The following ITGB1BP1 variants were observed in gnomAD, a reference collection of about 807,000 sequenced individuals.
ITGB1BP1 encodes the protein integrin subunit beta 1 binding protein 1, also known as integrin beta-1-binding protein 1.
Under a neutral mutation model 28.0 loss-of-function variants are expected in ITGB1BP1, and 20 were observed. The observed-to-expected ratio is 0.71, with a 90% CI of 0.50 to 1.04. ITGB1BP1 has a LOEUF of 1.04. Ranked by LOEUF, ITGB1BP1 falls within the 50% of genes least tolerant of loss-of-function variation. The pLI is 0.00. For synonymous variants in ITGB1BP1, 103 were observed against 89.5 expected (o/e 1.15, Z -0.85); for missense variants, 228 against 242.5 (o/e 0.94, Z 0.40).
At chr2:9,423,066 G>A in intron 1 of ITGB1BP1, 1 of 997,096 alleles carries the variant, frequency 1.0e-6, no homozygotes, top group Non-Finnish European at 1.2e-6. Flanking sequence ...GGAGGCGGCC[G>A]AAGCGGGGCA....
At chr2:9,410,501 C>A (rs985234043) in intron 4 of ITGB1BP1, among the ~76,000 whole-genome samples, 1 of 152,118 alleles carries the variant, frequency 6.6e-6, no homozygotes, top group Admixed American at 6.5e-5. Context: ...TGCAGTGGCA[C>A]AATCTTGGCT....
At chr2:9,407,149 G>A in intron 6 of ITGB1BP1, 3 of 601,014 alleles carry the variant, frequency 5.0e-6, no homozygotes, top group African/African-American at 1.9e-5. Context: ...CAGTCTAGGA[G>A]GGCAACAACG....
rs1677168823 is a variant in ITGB1BP1 at position 9,405,652 on chromosome 2, G to A, written c.*1182C>T. The stretch of plus-strand genomic sequence containing the variant: ...TTCTTGTTAACTAGTCATTTGACTG[G>A]AAAAAAATAAAATACTTTTAAATGG... On this transcript the variant is annotated 3_prime_UTR_variant, in exon 7 of 7. Coordinates refer to ENST00000355346, the MANE Select transcript of ITGB1BP1 (RefSeq NM_004763.5). 1 of 152,434 alleles carries A rather than the reference G, an allele frequency of 6.6e-6. No individual in the cohort carries two copies. The highest frequency in any genetic ancestry group is 2.4e-5 in the African/African-American group (1 of 41,412). 9.4% of individuals were successfully genotyped at this position (152,434 alleles called of 1,614,324 possible).
intron 1 of ITGB1BP1, among the ~76,000 whole-genome samples, chr2:9,422,175 C>T (rs1295181788): frequency 1.3e-5 from 2 of 152,234 alleles, no homozygotes; most frequent in Admixed American, 1.3e-4. Context: ...TACCCCCACA[C>T]TGCAGCCAAA....
intron 2 of ITGB1BP1, among the ~76,000 whole-genome samples, chr2:9,416,376 G>A (rs1679137248): frequency 6.6e-6 from 1 of 152,140 alleles, no homozygotes; most frequent in Non-Finnish European, 1.5e-5. Context: ...TACACCAGCA[G>A]ACATGGAGTA....
chr2:9,409,841 CTTTTT>C (rs1036594187), intron 4 of ITGB1BP1, among the ~76,000 whole-genome samples: 1 of 123,158 alleles, frequency 8.1e-6, no homozygotes, highest in South Asian at 2.8e-4. Flanking sequence ...ACCGTGAGTT[CTTTTT>C]TTTTTTTTTT....
At chr2:9,420,879 C>T (rs141519215) in intron 1 of ITGB1BP1, among the ~76,000 whole-genome samples, 66 of 152,294 alleles carry the variant, frequency 4.3e-4, no homozygotes, top group African/African-American at 1.6e-3. Context: ...TGCCAGATAG[C>T]GAACTAACTC....
chr2:9,403,879 C>T lies in ITGB1BP1; in HGVS notation c.*2955G>A, dbSNP rs1287030805. ...TACACATTAGCATTGTACTTTCTAG[C>T]CCTAATTTGTGAGGTTGCAGCTATC... On this transcript the variant is annotated 3_prime_UTR_variant, in exon 7 of 7. Coordinates refer to ENST00000355346, the MANE Select transcript of ITGB1BP1 (RefSeq NM_004763.5). The T allele has an allele frequency of 6.5e-6, 1 of 153,686 alleles. No individual in the cohort carries two copies. Among genetic ancestry groups the T allele is most frequent in the African/African-American group, 2.4e-5 (1 of 41,438 alleles). 9.5% of individuals were successfully genotyped at this position (153,686 alleles called of 1,614,324 possible).
intron 4 of ITGB1BP1, among the ~76,000 whole-genome samples, chr2:9,410,801 T>A (rs1015348561): frequency 3.3e-5 from 5 of 152,194 alleles, no homozygotes; most frequent in Admixed American, 2.6e-4. Context: ...GGCTTTGAAC[T>A]CCTGGGTTCA....
chr2:9,416,539 G>A (rs1283845979), intron 2 of ITGB1BP1, among the ~76,000 whole-genome samples: 2 of 152,142 alleles, frequency 1.3e-5, no homozygotes, highest in Admixed American at 1.3e-4. Context: ...CCCACTCCCA[G>A]GGGTCTTCAG....
chr2:9,412,150 AGTCGAGAGCAAG>A (rs1258758099), intron 4 of ITGB1BP1, 107 bp downstream of exon 4: 1 of 796,908 alleles, frequency 1.3e-6, no homozygotes, highest in African/African-American at 1.7e-5. Context: ...CGGGGACTTC[AGTCGAGAGCAAG>A]CGGAGCGGCA....
At chr2:9,422,566 CA>C in intron 1 of ITGB1BP1, 1 of 985,500 alleles carries the variant, frequency 1.0e-6, no homozygotes, top group Non-Finnish European at 1.2e-6. Flanking sequence ...CCCCTGATCA[CA>C]GCGCCACGAT....
chr2:9,411,514 G>GA (rs1398102516), intron 4 of ITGB1BP1, among the ~76,000 whole-genome samples: 6 of 152,034 alleles, frequency 3.9e-5, no homozygotes, highest in Admixed American at 3.9e-4. Flanking sequence ...GTGAGGTCAG[G>GA]AATTCACAAC....
At position 9,418,629 on chromosome 2, in the gene ITGB1BP1, G is replaced by A; in HGVS notation, c.69C>T (p.Ser23=). ...SSQSSEISTK[S]KSVDSSLGGL... ...GTTCCAAATTCCATTTCCCTACCTT[G>A]CTCTTAGTACTGATTTCGCTACTTT... Residue 23 remains serine (S), a synonymous_variant, in exon 2 of 7, where the codon AGC becomes AGT. Transcript: ENST00000355346. 1.9e-6 allele frequency: 3 copies of A among 1,602,632 alleles called. No individual in the cohort carries two copies. Among genetic ancestry groups the A allele is most frequent in the Non-Finnish European group, 2.6e-6 (3 of 1,169,640 alleles).
At chr2:9,414,968 G>A (rs1678930675) in intron 2 of ITGB1BP1, among the ~76,000 whole-genome samples, 5 of 152,222 alleles carry the variant, frequency 3.3e-5, no homozygotes, top group Admixed American at 2.6e-4. Flanking sequence ...CTCTGGCCGG[G>A]CACAGTGGCT....
In ITGB1BP1 at chr2:9,415,851, G is replaced by A. The variant is rs567907864; in HGVS notation, c.73-1595C>T. The stretch of plus-strand genomic sequence containing the variant: ...CCTGACTGGAAACTGAGTGGCAGTC[G>A]TGTGTCTTTGTCTCATTCACATGTG... On this transcript the variant is annotated intron_variant, in intron 2 of 6. Coordinates refer to ENST00000355346, the MANE Select transcript of ITGB1BP1 (RefSeq NM_004763.5). The surrounding 1 kb of genome is among the most constrained non-coding windows in gnomAD (Gnocchi z 4.1). Among the ~76,000 whole-genome samples, 2 of 152,320 alleles carry A rather than the reference G, an allele frequency of 1.3e-5. No homozygotes were observed. The highest frequency in any genetic ancestry group is 2.4e-5 in the African/African-American group (1 of 41,566).
rs905428125 is a variant in ITGB1BP1, at chr2:9,405,660, T to A, written c.*1174A>T. ...AACTAGTCATTTGACTGGAAAAAAA[T>A]AAAATACTTTTAAATGGACATGGTT... On this transcript the variant is annotated 3_prime_UTR_variant, in exon 7 of 7. Coordinates refer to ENST00000355346, the MANE Select transcript of ITGB1BP1 (RefSeq NM_004763.5). The A allele has an allele frequency of 6.6e-6, 1 of 152,598 alleles. No individual in the cohort carries two copies. Among genetic ancestry groups the A allele is most frequent in the Non-Finnish European group, 1.5e-5 (1 of 68,022 alleles). The allele number at this position is 152,598 out of a possible 1,614,324, so 9.5% of individuals were successfully genotyped here.
At chr2:9,411,170 C>T (rs918191933) in intron 4 of ITGB1BP1, among the ~76,000 whole-genome samples, 4 of 151,984 alleles carry the variant, frequency 2.6e-5, no homozygotes, top group African/African-American at 9.7e-5. Flanking sequence ...TCTTAATTTT[C>T]CTTCATGATG....
upstream of ITGB1BP1, chr2:9,423,546 A>T (rs561198002): frequency 3.5e-6 from 4 of 1,154,716 alleles, no homozygotes; most frequent in Non-Finnish European, 4.6e-6. Context: ...CGCAGTCCTG[A>T]CGTCCTACCC....
Sources: gnomAD v4.1 joint callset for allele counts (sites outside exome capture counted in the v4.1 genomes callset) on GRCh38, gnomAD v4.1.1 for gene constraint, Gnocchi (gnomAD v3.1) non-coding constraint, MANE v1.5 for transcripts, NCBI Gene and HGNC (gene_info 2026-07-23, HGNC 2026-07-21) for gene names.